TENM3: variants seen among roughly 807,000 people sequenced by gnomAD.
TENM3 encodes the protein teneurin transmembrane protein 3.
In TENM3, 63 loss-of-function variants were observed where a neutral mutation model predicts 255.1. The observed-to-expected ratio is 0.25, with a 90% CI of 0.20 to 0.30. The LOEUF is 0.30. Ranked by LOEUF, TENM3 falls within the 10% of genes least tolerant of loss-of-function variation. TENM3 has a pLI of 1.00. For synonymous variants in TENM3, 1,306 were observed against 1,322.3 expected (o/e 0.99, Z 0.27); for missense variants, 2,929 against 3,461.1 (o/e 0.85, Z 3.86).
chr4:181,910,396 C>T, the TENM3 span, among the ~76,000 whole-genome samples: 9 of 151,842 alleles, frequency 5.9e-5, no homozygotes, highest in East Asian at 1.6e-3. Context: ...GAAACCCCGC[C>T]TCTACTAAAA....
chr4:181,954,844 C>A, the TENM3 span, among the ~76,000 whole-genome samples: 1 of 152,168 alleles, frequency 6.6e-6, no homozygotes, highest in Non-Finnish European at 1.5e-5. Context: ...ATTGGATCTA[C>A]AACTAGTATA....
At chr4:181,891,862 C>T in the TENM3 span, among the ~76,000 whole-genome samples, 2 of 151,980 alleles carry the variant, frequency 1.3e-5, no homozygotes, top group African/African-American at 4.8e-5. Context: ...GATAGTATGG[C>T]GGAAAGGGGA....
the TENM3 span, among the ~76,000 whole-genome samples, chr4:181,472,895 T>TTACAAGAATAAATGGAATTCA: frequency 1.7e-4 from 26 of 152,142 alleles, no homozygotes; most frequent in African/African-American, 5.3e-4. Flanking sequence ...AGTAGAATTC[T>TTACAAGAATAAATGGAATTCA]TACAAGAATA....
At chr4:182,787,789 C>CTCCT (rs1765795684) in intron 24 of TENM3, among the ~76,000 whole-genome samples, 1 of 151,176 alleles carries the variant, frequency 6.6e-6, no homozygotes, top group Non-Finnish European at 1.5e-5. Flanking sequence ...AGGGCTCTGC[C>CTCCT]TCCTTATATT....
intron 5 of TENM3, among the ~76,000 whole-genome samples, chr4:182,641,503 A>G (rs980510635): frequency 6.6e-6 from 1 of 151,864 alleles, no homozygotes; most frequent in Admixed American, 6.6e-5. Context: ...CATTTGTTAC[A>G]TAAAAGTAGT....
chr4:182,422,438 C>T (rs1326985145), intron 3 of TENM3, among the ~76,000 whole-genome samples: 2 of 152,202 alleles, frequency 1.3e-5, no homozygotes, highest in Non-Finnish European at 2.9e-5. Context: ...AACCAAGTCC[C>T]TGCTGCCTTA....
chr4:181,496,127 C>A, the TENM3 span, among the ~76,000 whole-genome samples: 1 of 152,076 alleles, frequency 6.6e-6, no homozygotes, highest in African/African-American at 2.4e-5. Context: ...TCACTTAGAG[C>A]TGTCACAGAA....
chr4:182,082,013 A>G, the TENM3 span, among the ~76,000 whole-genome samples: 1 of 152,222 alleles, frequency 6.6e-6, no homozygotes, highest in Non-Finnish European at 1.5e-5. Context: ...TTTGGGGAAC[A>G]TAATTTTACT....
the TENM3 span, among the ~76,000 whole-genome samples, chr4:182,013,606 G>C: frequency 2.0e-5 from 3 of 152,084 alleles, no homozygotes; most frequent in African/African-American, 7.2e-5. Flanking sequence ...GACTTCTAGG[G>C]ACCAGCCTGG....
At chr4:182,737,251 C>T (rs1761240182) in intron 17 of TENM3, among the ~76,000 whole-genome samples, 176 bp downstream of exon 17, 1 of 152,124 alleles carries the variant, frequency 6.6e-6, no homozygotes, top group African/African-American at 2.4e-5. Context: ...GAATGTACTC[C>T]ATGTGGCAAG....
chr4:181,502,515 C>T, the TENM3 span, among the ~76,000 whole-genome samples: 1 of 152,154 alleles, frequency 6.6e-6, no homozygotes, highest in Non-Finnish European at 1.5e-5. Context: ...CTTGTGGGAA[C>T]CTGAGAACAG....
chr4:182,196,167 C>A (rs902842423), intron 1 of TENM3, among the ~76,000 whole-genome samples: 1 of 152,078 alleles, frequency 6.6e-6, no homozygotes, highest in African/African-American at 2.4e-5. Flanking sequence ...ATCCCCCGTG[C>A]GGAGTGAATG....
chr4:182,788,757 G>A (rs552857329), intron 24 of TENM3, among the ~76,000 whole-genome samples: 26 of 152,310 alleles, frequency 1.7e-4, no homozygotes, highest in African/African-American at 6.0e-4. Context: ...TTTTGGGGGA[G>A]GAGCTTGGAG....
chr4:181,601,607 G>A, the TENM3 span, among the ~76,000 whole-genome samples: 1 of 152,092 alleles, frequency 6.6e-6, no homozygotes, highest in Admixed American at 6.5e-5. Context: ...TACTCATAAA[G>A]TTGAGTATTT....
At chr4:182,022,097 T>C in the TENM3 span, among the ~76,000 whole-genome samples, 1 of 151,922 alleles carries the variant, frequency 6.6e-6, no homozygotes, top group Non-Finnish European at 1.5e-5. Context: ...CGTATGTTTA[T>C]AGCCACATGT....
rs1431282507 is a variant in TENM3 at position 182,473,795 on chromosome 4, C to T, written c.511+126866C>T. On this transcript the variant is annotated intron_variant, in intron 3 of 27. Transcript: ENST00000511685. The stretch of plus-strand genomic sequence containing the variant: ...GGCAACATATGAGACCCTGTCTCTA[C>T]AAAAAATAAGAATATTAGCAAGGTA... Among the ~76,000 whole-genome samples, 6 of 151,532 alleles carry T rather than the reference C, an allele frequency of 4.0e-5. No individual in the cohort carries two copies. The East Asian group carries it at 1.2e-3, about 29-fold the overall frequency.
At chr4:182,773,227 A>G (rs189187489) in intron 22 of TENM3, among the ~76,000 whole-genome samples, 25 of 152,342 alleles carry the variant, frequency 1.6e-4, no homozygotes, top group African/African-American at 4.6e-4. Flanking sequence ...TCACACTTCA[A>G]AGAATCATGT....
chr4:181,600,732 A>G, the TENM3 span, among the ~76,000 whole-genome samples: 50 of 151,358 alleles, frequency 3.3e-4, no homozygotes, highest in Non-Finnish European at 6.5e-4. Context: ...ACTCTCTCAC[A>G]TTCAGACAGG....
chr4:181,702,713 T>C, the TENM3 span, among the ~76,000 whole-genome samples: 3 of 152,208 alleles, frequency 2.0e-5, no homozygotes, highest in African/African-American at 7.2e-5. Context: ...TTACTTACCA[T>C]TAACATAATT....
Sources: allele counts gnomAD v4.1 joint callset (sites outside exome capture counted in the v4.1 genomes callset), GRCh38; gene constraint gnomAD v4.1.1; transcripts MANE v1.5; gene names NCBI Gene and HGNC (gene_info 2026-07-23, HGNC 2026-07-21).